Variants in SPIN1 observed in about 807,000 individuals in gnomAD.
The protein encoded by SPIN1 is spindlin-1.
SPIN1 carries 3 observed loss-of-function variants against 26.0 expected under a neutral mutation model. The ratio of observed to expected loss-of-function variants is 0.12; its 90% CI spans 0.05 to 0.30. SPIN1 has a LOEUF of 0.30. SPIN1 is among the 10% of genes least tolerant of loss of function. The pLI is 1.00. For synonymous variants in SPIN1, 101 were observed against 116.5 expected, an observed-to-expected ratio of 0.87 and a Z score of 0.86; for missense variants, 126 against 333.4, an observed-to-expected ratio of 0.38 and a Z score of 4.84.
chr9:88,451,439 G>T (rs1248372448), intron 3 of SPIN1, among the ~76,000 whole-genome samples: 1 of 152,206 alleles, frequency 6.6e-6, no homozygotes, highest in African/African-American at 2.4e-5. Flanking sequence ...ATAGAAGCAA[G>T]CTTTTTTTTC....
intron 5 of SPIN1, among the ~76,000 whole-genome samples, chr9:88,474,438 G>A (rs759270497): frequency 6.6e-6 from 1 of 152,102 alleles, no homozygotes; most frequent in Non-Finnish European, 1.5e-5. Context: ...CCTTGTAGTT[G>A]TCCTGGGCTG....
chr9:88,467,863 A>C (rs1297182823), intron 4 of SPIN1, among the ~76,000 whole-genome samples: 1 of 151,922 alleles, frequency 6.6e-6, no homozygotes, highest in Non-Finnish European at 1.5e-5. Context: ...AAAAACAAAA[A>C]AAAAACCCTC....
At chr9:88,412,926 C>T (rs1048674423) in intron 1 of SPIN1, among the ~76,000 whole-genome samples, 1 of 151,554 alleles carries the variant, frequency 6.6e-6, no homozygotes, top group Non-Finnish European at 1.5e-5. Flanking sequence ...TCGTGATCCG[C>T]CCACCTTGGC....
At chr9:88,425,437 T>C (rs888349060) in intron 1 of SPIN1, among the ~76,000 whole-genome samples, 6 of 152,110 alleles carry the variant, frequency 3.9e-5, no homozygotes, top group African/African-American at 2.4e-5. Flanking sequence ...CCCAGCACTT[T>C]GGGAGGCCGA....
At chr9:88,392,671 C>T (rs1826954252) in intron 1 of SPIN1, among the ~76,000 whole-genome samples, 1 of 151,950 alleles carries the variant, frequency 6.6e-6, no homozygotes. Context: ...TACCTAGCTA[C>T]TATTTTCTAT....
intron 1 of SPIN1, among the ~76,000 whole-genome samples, chr9:88,396,528 G>A (rs1443866181): frequency 6.6e-6 from 1 of 152,032 alleles, no homozygotes; most frequent in African/African-American, 2.4e-5. Context: ...CTTGAACCTG[G>A]GAGGCGGAGG....
At chr9:88,390,093 A>G (rs1191092101) in intron 1 of SPIN1, among the ~76,000 whole-genome samples, 1 of 152,204 alleles carries the variant, frequency 6.6e-6, no homozygotes, top group Non-Finnish European at 1.5e-5. Context: ...TAGTTTCTTT[A>G]TAATCTTTTG....
At chr9:88,435,028 G>T (rs1827972004) in intron 2 of SPIN1, among the ~76,000 whole-genome samples, 1 of 150,030 alleles carries the variant, frequency 6.7e-6, no homozygotes, top group Non-Finnish European at 1.5e-5. Context: ...CCCCAGCCTG[G>T]CTGAAAGTGT....
intron 1 of SPIN1, among the ~76,000 whole-genome samples, chr9:88,409,032 G>C (rs1418196412): frequency 7.9e-6 from 1 of 126,950 alleles, no homozygotes; most frequent in Admixed American, 8.0e-5. Flanking sequence ...TTTTGCTCTT[G>C]TTGCCCAGGC....
At chr9:88,460,983 C>A (rs1215068174) in intron 3 of SPIN1, among the ~76,000 whole-genome samples, 1 of 152,230 alleles carries the variant, frequency 6.6e-6, no homozygotes, top group Non-Finnish European at 1.5e-5. Flanking sequence ...TCCTGCCTGT[C>A]AGAACATCTG....
At position 88,449,478 on chromosome 9, in the gene SPIN1, A is replaced by G. The variant is rs77802303; in HGVS notation, c.101+489A>G. On this transcript the variant is annotated intron_variant, in intron 3 of 5. Coordinates refer to ENST00000375859, the MANE Select transcript of SPIN1 (RefSeq NM_006717.3). ...AAAAGCTTATGAATTTAGGGAAAGC[A>G]TATCCATGTTAAAAGATAATGCAAT... 6.1e-4 allele frequency among the ~76,000 whole-genome samples: 93 copies of G among 152,314 alleles called. 1 individual carries two copies. The East Asian group carries it at 0.013, about 22-fold the overall frequency.
chr9:88,465,129 AGTTT>A (rs1243192135), intron 4 of SPIN1, among the ~76,000 whole-genome samples: 1 of 152,158 alleles, frequency 6.6e-6, no homozygotes, highest in African/African-American at 2.4e-5. Context: ...TATATACCAC[AGTTT>A]GTTTATCTGT....
chr9:88,405,274 G>T (rs1488276594), intron 1 of SPIN1, among the ~76,000 whole-genome samples: 2 of 152,020 alleles, frequency 1.3e-5, no homozygotes, highest in Non-Finnish European at 2.9e-5. Flanking sequence ...TGTCTCCCAG[G>T]CTGGAGTGCA....
intron 2 of SPIN1, among the ~76,000 whole-genome samples, chr9:88,433,624 C>G (rs1461392060): frequency 6.6e-6 from 1 of 152,132 alleles, no homozygotes; most frequent in Non-Finnish European, 1.5e-5. Context: ...GATGGATTGT[C>G]AGGTGTCCTC....
rs765920402 is a variant in SPIN1 at position 88,426,555 on chromosome 9, G to A, written c.16G>A (p.Gly6Arg). The change falls in exon 2 of 6, where the codon GGA (glycine) becomes AGA (arginine). Residue 6 changes from glycine (G) to arginine (R), a missense_variant. By Grantham distance (125) the Gly-to-Arg change is moderately radical. Coordinates refer to ENST00000375859, the MANE Select transcript of SPIN1 (RefSeq NM_006717.3). MKTPF[G>R]KTPGQRSRAD... ...ATACAGATGAATGAAGACCCCATTC[G>A]GAAAGACACCTGGCCAGCGGTCCAG... The A allele has an allele frequency of 1.2e-5, 20 of 1,613,640 alleles. No homozygotes were observed. Among genetic ancestry groups the A allele is most frequent in the Admixed American group, 5.0e-5 (3 of 60,014 alleles).
Position 88,448,938 on chromosome 9 carries a change from C to T in SPIN1, c.53-3C>T, listed in dbSNP as rs756363694. The T allele has an allele frequency of 1.2e-6, 2 of 1,613,008 alleles. No individual in the cohort carries two copies. Among genetic ancestry groups the T allele is most frequent in the Admixed American group, 1.7e-5 (1 of 59,864 alleles). ...ATTGACTATATACTCATCTCTCTTA[C>T]AGGCCATGCTGGAGTATCTGCCAAC... is the stretch of plus-strand genomic sequence containing the variant. On this transcript the variant is annotated splice_region_variant and splice_polypyrimidine_tract_variant and intron_variant, in intron 2 of 5. Transcript: ENST00000375859.
intron 1 of SPIN1, among the ~76,000 whole-genome samples, chr9:88,394,858 G>C (rs1827018576): frequency 7.0e-6 from 1 of 142,688 alleles, no homozygotes; most frequent in African/African-American, 2.6e-5. Flanking sequence ...CGCCCAGGCT[G>C]GAGTCCAGTG....
At chr9:88,449,077 C>G in intron 3 of SPIN1, 88 bp downstream of exon 3, 1 of 1,308,760 alleles carries the variant, frequency 7.6e-7, no homozygotes, top group Admixed American at 1.7e-5. Flanking sequence ...GCCTCCTCCC[C>G]TGTGATCGAG....
chr9:88,444,236 A>ATT lies in SPIN1; in HGVS notation c.53-4684_53-4683dup, dbSNP rs745590731. Among the ~76,000 whole-genome samples the ATT allele has an allele frequency of 9.0e-3, 921 of 102,396 alleles. 6 individuals carry two copies. The highest frequency in any genetic ancestry group is 0.013 in the Middle Eastern group (2 of 156). 67.2% of individuals were successfully genotyped at this position (102,396 alleles called of 152,430 possible). A position where few individuals can be genotyped will look rare whatever the true frequency, so the allele number is the denominator to read the frequency against. On this transcript the variant is annotated intron_variant, in intron 2 of 5. Transcript: ENST00000375859. The stretch of plus-strand genomic sequence containing the variant: ...TCCCTTTTCATAGCCTCTTGTTCCC[A>ATT]TTTTTTTTTTTTTTTTTTTTTTGAG...
Sources: gnomAD v4.1 joint callset for allele counts (sites outside exome capture counted in the v4.1 genomes callset) on GRCh38, gnomAD v4.1.1 for gene constraint, MANE v1.5 for transcripts, NCBI Gene and HGNC (gene_info 2026-07-23, HGNC 2026-07-21) for gene names.